The following MAMDC2 variants were observed in gnomAD, a reference collection of about 807,000 sequenced individuals.
MAMDC2 encodes MAM domain containing 2.
In MAMDC2, 57 loss-of-function variants were observed where a neutral mutation model predicts 89.8. The ratio of observed to expected loss-of-function variants is 0.63; its 90% CI spans 0.51 to 0.79. MAMDC2 has a LOEUF of 0.79. Ranked by LOEUF, MAMDC2 falls within the 30% of genes least tolerant of loss-of-function variation. The pLI is 0.00. For missense variants in MAMDC2, 800 were observed against 820.6 expected (o/e 0.97, Z 0.31); for synonymous variants, 313 against 293.4 (o/e 1.07, Z -0.68).
At chr9:70,198,181 TACAC>T (rs3071637) in intron 11 of MAMDC2, among the ~76,000 whole-genome samples, 123,900 of 144,912 alleles carry the variant, frequency 0.86, 52,536 homozygotes, top group East Asian at 0.95. Context: ...TATATATATA[TACAC>T]ACACACACAC....
intron 2 of MAMDC2, chr9:70,105,884 G>A (rs1012843516): frequency 3.9e-5 from 6 of 152,132 alleles, no homozygotes; most frequent in African/African-American, 1.2e-4. Flanking sequence ...ACTTAAATTC[G>A]AGTTGTACCT....
intron 2 of MAMDC2, among the ~76,000 whole-genome samples, chr9:70,102,741 C>G (rs1479070276): frequency 1.3e-5 from 2 of 152,108 alleles, no homozygotes; most frequent in South Asian, 4.2e-4. Context: ...CCTTTTCTGA[C>G]CCTTTATAAA....
intron 5 of MAMDC2, among the ~76,000 whole-genome samples, chr9:70,123,835 C>A (rs1053995969): frequency 6.6e-6 from 1 of 152,124 alleles, no homozygotes; most frequent in African/African-American, 2.4e-5. Context: ...CACCAGAAGC[C>A]GGGAGAGAGG....
intron 2 of MAMDC2, among the ~76,000 whole-genome samples, chr9:70,088,096 C>T (rs1400133498): frequency 7.9e-5 from 12 of 152,092 alleles, no homozygotes; most frequent in South Asian, 4.1e-4. Flanking sequence ...ACAGAAGTCT[C>T]TAAGCAGGAT....
chr9:70,196,854 A>G (rs1273372697), intron 11 of MAMDC2, among the ~76,000 whole-genome samples: 2 of 152,128 alleles, frequency 1.3e-5, no homozygotes, highest in African/African-American at 4.8e-5. Flanking sequence ...ACTCTTAAAA[A>G]CAAAAATTAA....
chr9:70,193,762 A>G (rs1182373853), intron 11 of MAMDC2, among the ~76,000 whole-genome samples: 1 of 152,098 alleles, frequency 6.6e-6, no homozygotes, highest in East Asian at 1.9e-4. Context: ...GGTGGTAACA[A>G]GATTCTTTTT....
intron 2 of MAMDC2, among the ~76,000 whole-genome samples, chr9:70,046,322 T>G (rs1205120962): frequency 1.3e-5 from 2 of 152,260 alleles, no homozygotes; most frequent in Non-Finnish European, 1.5e-5. Flanking sequence ...CCTGTGCTGT[T>G]GTTGGCTCTG....
chr9:70,225,620 G>A (rs535448193), intron 12 of MAMDC2, 130 bp from the exon 13 acceptor site: 81 of 527,252 alleles, frequency 1.5e-4, no homozygotes, highest in African/African-American at 1.4e-3. Context: ...TTTGTAATTT[G>A]GTATCCTTTT....
intron 9 of MAMDC2, chr9:70,147,860 G>C (rs10114215): frequency 0.82 from 123,278 of 150,018 alleles, 51,939 homozygotes; most frequent in Admixed American, 0.88. Flanking sequence ...TGTGATTATT[G>C]CAACAACCAA....
chr9:70,064,851 G>T (rs534254434), intron 2 of MAMDC2, among the ~76,000 whole-genome samples: 36 of 152,296 alleles, frequency 2.4e-4, no homozygotes, highest in Non-Finnish European at 2.4e-4. Context: ...CCAGAGAGCA[G>T]CCAGCAGCCA....
chr9:70,108,069 C>A, intron 2 of MAMDC2, 142 bp from the exon 3 acceptor site: 2 of 728,956 alleles, frequency 2.7e-6, no homozygotes, highest in Non-Finnish European at 4.3e-6. Context: ...GGCCAGTGAT[C>A]CAGTGTTCAG....
intron 11 of MAMDC2, chr9:70,172,619 T>G (rs142510018): frequency 6.5e-6 from 1 of 152,688 alleles, no homozygotes; most frequent in African/African-American, 2.4e-5. Context: ...TCTGGAACAG[T>G]TGTTTCCAGC....
At chr9:70,094,522 C>A (rs546882614) in intron 2 of MAMDC2, among the ~76,000 whole-genome samples, 1 of 152,086 alleles carries the variant, frequency 6.6e-6, no homozygotes, top group East Asian at 1.9e-4. Context: ...GTGTGAGTTG[C>A]CAGCAAAGTT....
chr9:70,200,660 G>A (rs912852707), intron 11 of MAMDC2, among the ~76,000 whole-genome samples: 31 of 137,788 alleles, frequency 2.2e-4, no homozygotes, highest in Admixed American at 8.8e-4. Context: ...CCATTTTCAC[G>A]ATATTGATTC....
chr9:70,195,471 C>T (rs1278260097), intron 11 of MAMDC2, among the ~76,000 whole-genome samples: 1 of 152,016 alleles, frequency 6.6e-6, no homozygotes, highest in East Asian at 1.9e-4. Flanking sequence ...TGTGATCTTG[C>T]TAAGGGCAAA....
intron 7 of MAMDC2, among the ~76,000 whole-genome samples, chr9:70,137,882 TAA>T (rs1035872694): frequency 7.9e-5 from 12 of 152,260 alleles, no homozygotes; most frequent in African/African-American, 2.6e-4. Flanking sequence ...TTGATAGGAT[TAA>T]AAGTTATTCT....
chr9:70,103,545 AC>A (rs1311274095), intron 2 of MAMDC2, among the ~76,000 whole-genome samples: 1 of 152,192 alleles, frequency 6.6e-6, no homozygotes, highest in Non-Finnish European at 1.5e-5. Flanking sequence ...GAGAAAAAAA[AC>A]ATAGCTGTAA....
intron 11 of MAMDC2, among the ~76,000 whole-genome samples, chr9:70,208,261 T>C (rs960979841): frequency 5.9e-5 from 9 of 152,368 alleles, no homozygotes. Flanking sequence ...TTCCTATCCA[T>C]GAGCATGGAA....
chr9:70,071,095 A>C (rs1827395366), intron 2 of MAMDC2, among the ~76,000 whole-genome samples: 2 of 152,198 alleles, frequency 1.3e-5, no homozygotes, highest in Non-Finnish European at 2.9e-5. Flanking sequence ...AGTTTTCAGA[A>C]GGTCAGAATG....
Sources: allele counts gnomAD v4.1 joint callset (sites outside exome capture counted in the v4.1 genomes callset), GRCh38; gene constraint gnomAD v4.1.1; transcripts MANE v1.5; gene names NCBI Gene and HGNC (gene_info 2026-07-23, HGNC 2026-07-21).